The following PIK3R6 variants were observed in gnomAD, a reference collection of about 807,000 sequenced individuals.
The protein encoded by PIK3R6 is phosphoinositide-3-kinase regulatory subunit 6.
A neutral mutation model predicts 84.9 loss-of-function variants in PIK3R6; 91 were observed. The ratio of observed to expected loss-of-function variants is 1.07; its 90% CI spans 0.90 to 1.28. The LOEUF is 1.28. Among genes scored for constraint, PIK3R6 ranks in the 50% most tolerant of loss-of-function variants. The pLI is 0.00. For missense variants in PIK3R6, 996 were observed against 985.1 expected, an observed-to-expected ratio of 1.01 and a Z score of -0.15; for synonymous variants, 416 against 411.4, an observed-to-expected ratio of 1.01 and a Z score of -0.13.
chr17:8,836,770 A>G, intron 6 of PIK3R6, 21 bp downstream of exon 6: 1 of 1,611,124 alleles, frequency 6.2e-7, no homozygotes, highest in Non-Finnish European at 8.5e-7. Flanking sequence ...GTGGGAGACA[A>G]AGATGCCCAG....
intron 1 of PIK3R6, among the ~76,000 whole-genome samples, chr17:8,864,997 C>G (rs1337373877): frequency 6.6e-6 from 1 of 152,180 alleles, no homozygotes; most frequent in Non-Finnish European, 1.5e-5. Flanking sequence ...TGGGGTACAA[C>G]AAGCCCAAGG....
chr17:8,851,572 A>G, intron 1 of PIK3R6, among the ~76,000 whole-genome samples: 1 of 152,218 alleles, frequency 6.6e-6, no homozygotes. Flanking sequence ...ATGTGGAGAA[A>G]TTGGATTTGT....
In PIK3R6 at chr17:8,849,882, G is replaced by T. The variant is rs1478789672; in HGVS notation, c.-88C>A. ...GGTGGTTGCTTTTCTGCACAGAGGT[G>T]GTTCTGCAAAATAAGAGGTAGTTAA... On this transcript the variant is annotated 5_prime_UTR_variant, in exon 2 of 20. Transcript: ENST00000619866. The T allele has an allele frequency of 1.3e-6, 2 of 1,525,012 alleles. No homozygotes were observed. Among genetic ancestry groups the T allele is most frequent in the Non-Finnish European group, 1.8e-6 (2 of 1,125,310 alleles). The allele number at this position is 1,525,012 out of a possible 1,614,324, so 94.5% of individuals were successfully genotyped here. A position where few individuals can be genotyped will look rare whatever the true frequency, so the allele number is the denominator to read the frequency against.
At chr17:8,829,405 TACACACAG>T (rs1395647095) in intron 10 of PIK3R6, among the ~76,000 whole-genome samples, 5 of 122,358 alleles carry the variant, frequency 4.1e-5, no homozygotes, top group Non-Finnish European at 6.9e-5. Flanking sequence ...CATGCACACA[TACACACAG>T]ACACACTGAC....
chr17:8,840,684 A>G (rs922598965), intron 2 of PIK3R6, among the ~76,000 whole-genome samples: 1 of 148,194 alleles, frequency 6.7e-6, no homozygotes, highest in African/African-American at 2.5e-5. Flanking sequence ...TATATAAAAT[A>G]TATATATAAA....
At chr17:8,855,669 G>A (rs1162387333) in intron 1 of PIK3R6, among the ~76,000 whole-genome samples, 1 of 152,156 alleles carries the variant, frequency 6.6e-6, no homozygotes, top group African/African-American at 2.4e-5. Context: ...TGGTATACAC[G>A]TGCCATGGTG....
chr17:8,834,540 T>G (rs1315238655), intron 8 of PIK3R6, among the ~76,000 whole-genome samples: 1 of 147,106 alleles, frequency 6.8e-6, no homozygotes, highest in Non-Finnish European at 1.5e-5. Context: ...CACATGTCAC[T>G]GCGTCTGGTA....
intron 1 of PIK3R6, among the ~76,000 whole-genome samples, chr17:8,860,076 A>G (rs1166610902): frequency 6.6e-6 from 1 of 152,254 alleles, no homozygotes; most frequent in Non-Finnish European, 1.5e-5. Context: ...TTCACTTTTC[A>G]CATAAAAAAC....
At position 8,841,034 on chromosome 17, in the gene PIK3R6, G is replaced by A. The variant is rs570258484; in HGVS notation, c.14-1337C>T. 3.9e-5 allele frequency among the ~76,000 whole-genome samples: 6 copies of A among 152,162 alleles called. 1 individual carries two copies. The highest frequency in any genetic ancestry group is 2.4e-5 in the African/African-American group (1 of 41,496). On this transcript the variant is annotated intron_variant, in intron 2 of 19. Transcript: ENST00000619866. ...TCCAAAGTGCTGGGATGACAGGCATGAGCCACCACGCCAAGCCTTTGCCAT... is the reference window on the plus strand; with the variant it reads ...TCCAAAGTGCTGGGATGACAGGCATAAGCCACCACGCCAAGCCTTTGCCAT...
At chr17:8,824,703 G>A (rs1392766253) in intron 13 of PIK3R6, among the ~76,000 whole-genome samples, 1 of 152,138 alleles carries the variant, frequency 6.6e-6, no homozygotes, top group African/African-American at 2.4e-5. Flanking sequence ...ACCAGCAAAG[G>A]AGCACCAATG....
intron 4 of PIK3R6, 45 bp from the exon 5 acceptor site, chr17:8,837,916 C>A: frequency 1.9e-6 from 3 of 1,552,728 alleles, no homozygotes; most frequent in Non-Finnish European, 1.8e-6. Context: ...CTGGGGGAAT[C>A]CCCACTTCAT....
At position 8,865,711 on chromosome 17, in the gene PIK3R6, C is replaced by A. The variant is rs556353607; in HGVS notation, c.-92+1818G>T. Among the ~76,000 whole-genome samples, 11 of 152,116 alleles carry A rather than the reference C, an allele frequency of 7.2e-5. No individual in the cohort carries two copies. The East Asian group carries it at 1.9e-3, about 27-fold the overall frequency. Reference sequence around the variant, plus strand: ...TGGGTCCTGAGGGGGCCCCCTCAACCTTTAGCCCTTGCCCCCATGAGGTCT... The same window carrying A: ...TGGGTCCTGAGGGGGCCCCCTCAACATTTAGCCCTTGCCCCCATGAGGTCT... On this transcript the variant is annotated intron_variant, in intron 1 of 19. Transcript: ENST00000619866.
At chr17:8,858,719 T>C (rs2089203359) in intron 1 of PIK3R6, among the ~76,000 whole-genome samples, 2 of 152,174 alleles carry the variant, frequency 1.3e-5, no homozygotes, top group Admixed American at 1.3e-4. Context: ...TATCCTACAT[T>C]GAGTGGCTGT....
chr17:8,853,310 C>T (rs2151302937), intron 1 of PIK3R6, among the ~76,000 whole-genome samples: 1 of 150,668 alleles, frequency 6.6e-6, no homozygotes, highest in East Asian at 2.0e-4. Flanking sequence ...ATGGTGAAAC[C>T]CCGTCTCTAC....
intron 11 of PIK3R6, 89 bp from the exon 12 acceptor site, chr17:8,828,279 G>T: frequency 7.3e-7 from 1 of 1,367,590 alleles, no homozygotes. Flanking sequence ...TCTTGACCTT[G>T]GGCAATTTGT....
intron 1 of PIK3R6, among the ~76,000 whole-genome samples, chr17:8,851,454 G>T (rs1017742352): frequency 1.2e-4 from 18 of 152,100 alleles, no homozygotes; most frequent in African/African-American, 4.3e-4. Flanking sequence ...CCGAGATCGC[G>T]CCACTGCACT....
chr17:8,866,724 C>A (rs1213096335), intron 1 of PIK3R6, among the ~76,000 whole-genome samples: 2 of 152,110 alleles, frequency 1.3e-5, no homozygotes, highest in African/African-American at 4.8e-5. Flanking sequence ...CTCAGCCAGG[C>A]ACCACCTTCC....
At chr17:8,860,734 T>C (rs890336384) in intron 1 of PIK3R6, among the ~76,000 whole-genome samples, 2 of 152,084 alleles carry the variant, frequency 1.3e-5, no homozygotes, top group African/African-American at 4.8e-5. Flanking sequence ...GTGGCAACAA[T>C]TAGCTGGAGT....
At chr17:8,823,747 G>A (rs1189395964) in intron 13 of PIK3R6, among the ~76,000 whole-genome samples, 1 of 152,202 alleles carries the variant, frequency 6.6e-6, no homozygotes, top group African/African-American at 2.4e-5. Context: ...GCGCTGCTAT[G>A]TGTGAGGCAC....
Sources: allele counts gnomAD v4.1 joint callset (sites outside exome capture counted in the v4.1 genomes callset), GRCh38; gene constraint gnomAD v4.1.1; transcripts MANE v1.5; gene names NCBI Gene and HGNC (gene_info 2026-07-23, HGNC 2026-07-21).